The following PIEZO1 variants were observed in gnomAD, a reference collection of about 807,000 sequenced individuals.
The protein encoded by PIEZO1 is piezo-type mechanosensitive ion channel component 1.
Under a neutral mutation model 297.2 loss-of-function variants are expected in PIEZO1, and 296 were observed. The ratio of observed to expected loss-of-function variants is 1.00; its 90% CI spans 0.91 to 1.10. The LOEUF (loss-of-function observed/expected upper bound fraction) is 1.10. Ranked by LOEUF, PIEZO1 falls within the 50% of genes least tolerant of loss-of-function variation. The probability of loss-of-function intolerance (pLI) is 0.00; values close to 1 mark genes in which losing one functional copy is unlikely to be tolerated. For synonymous variants in PIEZO1, 2,427 were observed against 1,507.5 expected (o/e 1.61, Z -14.13); for missense variants, 5,018 against 3,455.5 (o/e 1.45, Z -11.34).
chr16:88,716,099 C>A lies in PIEZO1; in HGVS notation c.7150G>T (p.Gly2384Cys). ...LQPNEEADYLGVRIQLRREQG... is the reference protein window; with the variant it reads ...LQPNEEADYLCVRIQLRREQG... ...TCCCTCCGCAGCTGGATACGCACGC[C>A]GAGGTAGTCGGCCTCCTCATCTGGG... is the stretch of plus-strand genomic sequence containing the variant. The change falls in exon 50 of 51, where the codon GGC becomes TGC. Residue 2384 changes from glycine to cysteine, a missense_variant. Physicochemically the swap from Gly to Cys is radical, Grantham distance 159. Transcript: ENST00000301015. The A allele has an allele frequency of 1.9e-6, 3 of 1,547,534 alleles. No homozygotes were observed. The highest frequency in any genetic ancestry group is 4.9e-5 in the East Asian group (2 of 40,856).
In PIEZO1 at chr16:88,721,404, C is replaced by G. The variant is rs751590189; in HGVS notation, c.5430G>C (p.Glu1810Asp). ...TGTCATGCTCCTTGGATGGTGAGTCCTCCTCATGGTCCCAGAGGCCATAGC... is the reference window on the plus strand; with the variant it reads ...TGTCATGCTCCTTGGATGGTGAGTCGTCCTCATGGTCCCAGAGGCCATAGC... The part of the protein sequence containing the change: ...LLCYGLWDHE[E>D]DSPSKEHDKS... Residue 1810 changes from glutamate (E) to aspartate (D), a missense_variant, in exon 39 of 51, where the codon GAG (glutamate) becomes GAC (aspartate). Physicochemically the swap from Glu to Asp is conservative, Grantham distance 45. Transcript: ENST00000301015. 3.2e-6 allele frequency: 5 copies of G among 1,549,694 alleles called. No homozygotes were observed. Among genetic ancestry groups the G allele is most frequent in the African/African-American group, 1.4e-5 (1 of 72,986 alleles).
intron 39 of PIEZO1, 29 bp downstream of exon 39, chr16:88,721,137 C>T (rs185193197): frequency 6.8e-7 from 1 of 1,463,918 alleles, no homozygotes; most frequent in African/African-American, 1.4e-5. Flanking sequence ...ACTGGGTAGG[C>T]AGGAGGTTGT....
chr16:88,757,710 G>C (rs1402885848), intron 1 of PIEZO1, among the ~76,000 whole-genome samples: 1 of 152,116 alleles, frequency 6.6e-6, no homozygotes, highest in African/African-American at 2.4e-5. Context: ...GCTGCGGGCC[G>C]GAGCTGGGCC....
intron 1 of PIEZO1, among the ~76,000 whole-genome samples, chr16:88,767,205 G>A (rs981612276): frequency 2.0e-5 from 3 of 152,158 alleles, no homozygotes; most frequent in African/African-American, 7.2e-5. Flanking sequence ...ATGAGTCTCG[G>A]GACATCCTTA....
rs1475224367 is a variant in PIEZO1, at chr16:88,734,040, C to G, written c.2195G>C (p.Ser732Thr). ...CTCCTCCCGCAGCAGTGGGGTCCCACTCACTGCATCCTGCCTGGGAGAGGG... is the reference window on the plus strand; with the variant it reads ...CTCCTCCCGCAGCAGTGGGGTCCCAGTCACTGCATCCTGCCTGGGAGAGGG... Reference protein sequence around the residue: ...PRWAHRQDAVSGTPLLREEQQ... With the variant: ...PRWAHRQDAVTGTPLLREEQQ... Residue 732 changes from serine (S) to threonine (T), a missense_variant, in exon 17 of 51, where the codon AGT (serine) becomes ACT (threonine). Transcript: ENST00000301015. 1.3e-6 allele frequency: 2 copies of G among 1,529,664 alleles called. No individual in the cohort carries two copies. Among genetic ancestry groups the G allele is most frequent in the African/African-American group, 2.8e-5 (2 of 72,506 alleles). 94.8% of individuals were successfully genotyped at this position (1,529,664 alleles called of 1,614,324 possible).
At chr16:88,722,714 G>C in intron 34 of PIEZO1, 25 bp from the exon 35 acceptor site, 3 of 1,533,518 alleles carry the variant, frequency 2.0e-6, no homozygotes, top group Non-Finnish European at 1.7e-6. Context: ...AGGGGGCTCA[G>C]GGCTGCGTCC....
chr16:88,734,371 G>C lies in PIEZO1; in HGVS notation c.2165C>G (p.Pro722Arg), dbSNP rs1223247493. ...EHVSLPGTRL[P>R]RWAHRQDAVS... ...GGGGCCGCACCTGTGAGCCCAGCGC[G>C]GGAGGCGCGTGCCAGGCAGGGACAC... is the stretch of plus-strand genomic sequence containing the variant. The change falls in exon 16 of 51, where the codon CCG (proline) becomes CGG (arginine). Residue 722 changes from proline to arginine, a missense_variant. Physicochemically the swap from Pro to Arg is moderately radical, Grantham distance 103 (BLOSUM62 -2). Coordinates refer to ENST00000301015, the MANE Select transcript of PIEZO1 (RefSeq NM_001142864.4). The C allele has an allele frequency of 5.8e-6, 9 of 1,540,156 alleles. No homozygotes were observed. Among genetic ancestry groups the C allele is most frequent in the African/African-American group, 2.7e-5 (2 of 72,920 alleles).
intron 1 of PIEZO1, among the ~76,000 whole-genome samples, chr16:88,757,078 A>G (rs558041347): frequency 7.9e-5 from 12 of 152,222 alleles, no homozygotes; most frequent in South Asian, 6.2e-4. Flanking sequence ...TCCGTCTCAA[A>G]ACAAACAAAA....
At chr16:88,766,204 TA>T (rs2142892419) in intron 1 of PIEZO1, among the ~76,000 whole-genome samples, 1 of 152,250 alleles carries the variant, frequency 6.6e-6, no homozygotes, top group African/African-American at 2.4e-5. Context: ...GAGATTGATT[TA>T]AATCAGCAGA....
Position 88,738,410 on chromosome 16 carries a change from A to C in PIEZO1, c.665T>G (p.Val222Gly), listed in dbSNP as rs753842185. ...GIAHPSALSS[V>G]YLLLFLALCT... ...GAGGGCCAGGAAGAGCAGCAGGTAG[A>C]CACTGGAGAGGGCCGAGGGGTGGGC... The change falls in exon 7 of 51, where the codon GTC becomes GGC. Residue 222 changes from valine to glycine, a missense_variant. Physicochemically the swap from Val to Gly is moderately radical, Grantham distance 109. Transcript: ENST00000301015. 1.4e-5 allele frequency: 22 copies of C among 1,535,702 alleles called. No individual in the cohort carries two copies. In the South Asian group the frequency reaches 2.4e-4, roughly 17 times the overall value.
At position 88,722,571 on chromosome 16, in the gene PIEZO1, C is replaced by A; in HGVS notation, c.4775+12G>T. 1 of 1,517,974 alleles carries A rather than the reference C, an allele frequency of 6.6e-7. No homozygotes were observed. Among genetic ancestry groups the A allele is most frequent in the Non-Finnish European group, 8.8e-7 (1 of 1,131,890 alleles). 94.0% of individuals were successfully genotyped at this position (1,517,974 alleles called of 1,614,324 possible). ...GGGCAGCAGCTGGGGCTCGGGTCAC[C>A]CCCGCACCTACCTGGACACGGTGCT... is the stretch of plus-strand genomic sequence containing the variant. On this transcript the variant is annotated intron_variant, in intron 35 of 50. Transcript: ENST00000301015.
At position 88,723,320 on chromosome 16, in the gene PIEZO1, G is replaced by A. The variant is rs1361033827; in HGVS notation, c.4344C>T (p.Tyr1448=). The change falls in exon 32 of 51, where the codon TAC becomes TAT. Residue 1448 remains tyrosine (Y), a synonymous_variant. Transcript: ENST00000301015. The part of the protein sequence containing the change: ...PSAQSAFQLA[Y]QAWVTNAQAV... ...CCTGGGCGTTGGTCACCCATGCCTG[G>A]TACGCCAGCTGTCGGCCAGCCCCCG... The A allele has an allele frequency of 1.0e-5, 16 of 1,538,378 alleles. No homozygotes were observed. Among genetic ancestry groups the A allele is most frequent in the Non-Finnish European group, 1.3e-5 (15 of 1,146,682 alleles).
chr16:88,737,484 C>T (rs1047422897), intron 10 of PIEZO1, 75 bp downstream of exon 10: 50 of 1,026,980 alleles, frequency 4.9e-5, no homozygotes, highest in Non-Finnish European at 2.7e-5. Context: ...GAGCGCCAGG[C>T]GGCCACCAGG....
At chr16:88,737,893 G>T in intron 8 of PIEZO1, 41 bp downstream of exon 8, 1 of 1,531,686 alleles carries the variant, frequency 6.5e-7, no homozygotes, top group Non-Finnish European at 8.7e-7. Flanking sequence ...CAGCCCCATG[G>T]CCTGGCCTCA....
chr16:88,757,601 G>A (rs1015210444), intron 1 of PIEZO1, among the ~76,000 whole-genome samples: 4 of 152,150 alleles, frequency 2.6e-5, no homozygotes, highest in African/African-American at 7.2e-5. Flanking sequence ...CCACACCCAG[G>A]AAGGAGAGCC....
At chr16:88,769,009 C>T (rs1366334429) in intron 1 of PIEZO1, among the ~76,000 whole-genome samples, 2 of 152,228 alleles carry the variant, frequency 1.3e-5, no homozygotes, top group Non-Finnish European at 2.9e-5. Flanking sequence ...CACTGAAGTA[C>T]GCTAGGACAC....
intron 2 of PIEZO1, chr16:88,745,614 G>T (rs1052885741): frequency 6.6e-6 from 1 of 152,156 alleles, no homozygotes; most frequent in African/African-American, 2.4e-5. Flanking sequence ...GTGGTGATGG[G>T]CACCTGTAAT....
rs1187328829 is a variant in PIEZO1, at chr16:88,722,046, A to G, written c.4976T>C (p.Leu1659Pro). 5.8e-6 allele frequency: 9 copies of G among 1,546,968 alleles called. No individual in the cohort carries two copies. Among genetic ancestry groups the G allele is most frequent in the Non-Finnish European group, 7.9e-6 (9 of 1,146,036 alleles). The change falls in exon 37 of 51, where the codon CTG becomes CCG. Residue 1659 changes from leucine to proline, a missense_variant. Physicochemically the swap from Leu to Pro is moderately conservative, Grantham distance 98. Transcript: ENST00000301015. The stretch of plus-strand genomic sequence containing the variant: ...CTCCGCAAACAGCTCTGCCTCCTCC[A>G]GCTCTGGGATGCGCAGGCGCCTACA... The part of the protein sequence containing the change: ...LLDRRLRIPE[L>P]EEAELFAEGQ...
At chr16:88,726,185 G>T (rs1904415348) in intron 27 of PIEZO1, 99 bp downstream of exon 27, 3 of 1,004,830 alleles carry the variant, frequency 3.0e-6, no homozygotes, top group East Asian at 5.2e-5. Context: ...GGCAGAGCCT[G>T]CCCTCCACGG....
Sources: allele counts gnomAD v4.1 joint callset (sites outside exome capture counted in the v4.1 genomes callset), GRCh38; gene constraint gnomAD v4.1.1; transcripts MANE v1.5; gene names NCBI Gene and HGNC (gene_info 2026-07-23, HGNC 2026-07-21).